The following TRPM2 variants were observed in gnomAD, a reference collection of about 807,000 sequenced individuals.
TRPM2 encodes the protein estrogen-responsive element-associated gene 1 protein.
A neutral mutation model predicts 174.0 loss-of-function variants in TRPM2; 161 were observed. That is an observed-to-expected ratio of 0.93 (90% CI 0.81 to 1.05). The LOEUF (loss-of-function observed/expected upper bound fraction) is 1.05. TRPM2 is among the 50% of genes least tolerant of loss of function. The probability of loss-of-function intolerance (pLI) is 0.00; values close to 1 mark genes in which losing one functional copy is unlikely to be tolerated. For synonymous variants in TRPM2, 954 were observed against 861.3 expected, an observed-to-expected ratio of 1.11 and a Z score of -1.88; for missense variants, 2,057 against 2,038.0, an observed-to-expected ratio of 1.01 and a Z score of -0.18.
intron 19 of TRPM2, among the ~76,000 whole-genome samples, chr21:44,410,623 G>T: frequency 1.3e-5 from 1 of 74,832 alleles, no homozygotes; most frequent in African/African-American, 4.0e-5. Context: ...TGTCTTGGTT[G>T]GCGTAGCCTT....
intron 24 of TRPM2, 55 bp from the exon 25 acceptor site, chr21:44,425,615 G>A (rs896669999): frequency 7.0e-6 from 10 of 1,435,428 alleles, no homozygotes; most frequent in Admixed American, 5.3e-5. Context: ...TGTCCTGCGG[G>A]CGGGCACCTG....
intron 27 of TRPM2, among the ~76,000 whole-genome samples, chr21:44,430,872 G>A (rs2050994398): frequency 6.7e-6 from 1 of 148,922 alleles, no homozygotes; most frequent in East Asian, 2.0e-4. Context: ...TTGTGTCACA[G>A]ATGTCCATAA....
intron 8 of TRPM2, 85 bp downstream of exon 8, chr21:44,379,282 G>C (rs952803081): frequency 6.8e-7 from 1 of 1,468,174 alleles, no homozygotes; most frequent in Admixed American, 1.8e-5. Context: ...CAGGACTCAT[G>C]GACCGATGCG....
intron 15 of TRPM2, 85 bp downstream of exon 15, chr21:44,400,456 C>T (rs1299886325): frequency 8.5e-7 from 1 of 1,181,354 alleles, no homozygotes; most frequent in Non-Finnish European, 1.2e-6. Flanking sequence ...TTCCCTAGAT[C>T]CCCTCGCTGG....
intron 27 of TRPM2, among the ~76,000 whole-genome samples, chr21:44,433,581 G>A (rs537887836): frequency 6.6e-6 from 1 of 152,290 alleles, no homozygotes; most frequent in East Asian, 1.9e-4. Context: ...AGTGACCCTC[G>A]CAGGAACCCT....
At chr21:44,406,892 G>A (rs887158619) in intron 19 of TRPM2, 127 bp downstream of exon 19, 4 of 1,262,422 alleles carry the variant, frequency 3.2e-6, no homozygotes, top group South Asian at 1.4e-5. Flanking sequence ...CACCTGGCCG[G>A]TGTCCTCCCT....
At chr21:44,404,936 T>C (rs1418487252) in intron 16 of TRPM2, among the ~76,000 whole-genome samples, 1 of 129,062 alleles carries the variant, frequency 7.7e-6, no homozygotes, top group Non-Finnish European at 1.8e-5. Context: ...GTGACAGTGA[T>C]AGTGATGATA....
At chr21:44,441,606 A>G in intron 31 of TRPM2, 86 bp from the exon 32 acceptor site, 8 of 1,471,824 alleles carry the variant, frequency 5.4e-6, no homozygotes, top group Non-Finnish European at 6.3e-6. Context: ...TGCAGGCCCC[A>G]AGCCCTCGAA....
At position 44,367,130 on chromosome 21, in the gene TRPM2, C is replaced by T. The variant is rs1014021985; in HGVS notation, c.604+196C>T. ...GACGCCCGATGCTCCCACTGGCTTG[C>T]CTGTGGGCTGGAGATGGCTCAGTGC... On this transcript the variant is annotated intron_variant, in intron 4 of 31. Coordinates refer to ENST00000397928, the MANE Select transcript of TRPM2 (RefSeq NM_003307.4). The surrounding 1 kb of genome is among the most constrained non-coding windows in gnomAD (Gnocchi z 4.6). Among the ~76,000 whole-genome samples the T allele has an allele frequency of 6.6e-6, 1 of 152,122 alleles. No homozygotes were observed. Among genetic ancestry groups the T allele is most frequent in the Non-Finnish European group, 1.5e-5 (1 of 68,014 alleles).
chr21:44,392,725 G>A (rs1241026060), intron 11 of TRPM2, among the ~76,000 whole-genome samples: 1 of 152,146 alleles, frequency 6.6e-6, no homozygotes, highest in Non-Finnish European at 1.5e-5. Flanking sequence ...GGACAGAGTT[G>A]CGTCCATAAC....
At chr21:44,352,192 G>C (rs1212404078), upstream of TRPM2, among the ~76,000 whole-genome samples, 1 of 152,260 alleles carries the variant, frequency 6.6e-6, no homozygotes, top group African/African-American at 2.4e-5. Context: ...GACAGCTCAT[G>C]GCCCTGGAAA....
At chr21:44,359,018 C>T (rs931223741) in intron 2 of TRPM2, among the ~76,000 whole-genome samples, 18 of 152,168 alleles carry the variant, frequency 1.2e-4, no homozygotes, top group South Asian at 4.1e-4. Context: ...TATTTGTCCC[C>T]GCCCGTGTCC....
chr21:44,399,524 A>G lies in TRPM2; in HGVS notation c.2208+83A>G. On this transcript the variant is annotated intron_variant, in intron 14 of 31. Coordinates refer to ENST00000397928, the MANE Select transcript of TRPM2 (RefSeq NM_003307.4). The surrounding 1 kb of genome is among the most constrained non-coding windows in gnomAD (Gnocchi z 4.6). ...ACAGCCTCCTGTTCGTGCAGTTGGCACGCACACTCACACAGGCTTCAGGGC... is the reference window on the plus strand; with the variant it reads ...ACAGCCTCCTGTTCGTGCAGTTGGCGCGCACACTCACACAGGCTTCAGGGC... The G allele has an allele frequency of 2.6e-6, 4 of 1,513,146 alleles. No homozygotes were observed. The highest frequency in any genetic ancestry group is 3.5e-6 in the Non-Finnish European group (4 of 1,129,486). 93.7% of individuals were successfully genotyped at this position (1,513,146 alleles called of 1,614,324 possible). A position where few individuals can be genotyped will look rare whatever the true frequency, so the allele number is the denominator to read the frequency against.
rs1314837399 is a variant in TRPM2, at chr21:44,438,745, G to A, written c.4168-322G>A. On this transcript the variant is annotated intron_variant, in intron 29 of 31. Transcript: ENST00000397928. This position sits in a 1 kb window ranked among gnomAD's most constrained non-coding sequence, Gnocchi z 5.9. The stretch of plus-strand genomic sequence containing the variant: ...TGGGAGGGGCGACGCGGGGGCAGGC[G>A]CCAGGGGAGCGGGAAGGGGGTGCCC... Among the ~76,000 whole-genome samples the A allele has an allele frequency of 2.6e-5, 4 of 152,184 alleles. No individual in the cohort carries two copies. Among genetic ancestry groups the A allele is most frequent in the Non-Finnish European group, 5.9e-5 (4 of 68,018 alleles).
At chr21:44,386,716 ATT>A (rs199604807) in intron 9 of TRPM2, among the ~76,000 whole-genome samples, 8 of 146,426 alleles carry the variant, frequency 5.5e-5, no homozygotes, top group African/African-American at 1.7e-4. Flanking sequence ...AACCCCAGTG[ATT>A]TTTTTTTTTT....
rs1182511689 is a variant in TRPM2, at chr21:44,406,655, C to T, written c.2852C>T (p.Ala951Val). The change falls in exon 19 of 32, where the codon GCC becomes GTC. Residue 951 changes from alanine to valine, a missense_variant. Transcript: ENST00000397928. ...LAVWVVSFGV[A>V]KQAILIHNER... The stretch of plus-strand genomic sequence containing the variant: ...GTGTGGGTGGTGTCCTTCGGGGTGG[C>T]CAAGCAGGCCATCCTCATCCACAAC... 6.2e-7 allele frequency: 1 copy of T among 1,610,508 alleles called. No homozygotes were observed. The highest frequency in any genetic ancestry group is 8.5e-7 in the Non-Finnish European group (1 of 1,179,410).
rs145754956 is a variant in TRPM2 at position 44,395,448 on chromosome 21, G to A, written c.1829G>A (p.Arg610His). The A allele has an allele frequency of 2.4e-4, 380 of 1,612,862 alleles. 3 individuals are homozygous for A. The African/African-American group carries it at 3.8e-3, about 16-fold the overall frequency. The stretch of plus-strand genomic sequence containing the variant: ...GTGAGCCTCCGGTCCCTCTACAAGC[G>A]TTCCTCAGGCCATGTGACCTTCACC... ...QGVSLRSLYK[R>H]SSGHVTFTMD... The change falls in exon 12 of 32, where the codon CGT (arginine) becomes CAT (histidine). Residue 610 changes from arginine (R) to histidine (H), a missense_variant. Physicochemically the swap from Arg to His is conservative, Grantham distance 29 (BLOSUM62 0). Coordinates refer to ENST00000397928, the MANE Select transcript of TRPM2 (RefSeq NM_003307.4).
chr21:44,439,312 C>G lies in TRPM2; in HGVS notation c.4269+144C>G. The G allele has an allele frequency of 2.9e-6, 2 of 696,042 alleles. No homozygotes were observed. Among genetic ancestry groups the G allele is most frequent in the Non-Finnish European group, 2.5e-6 (1 of 405,830 alleles). 43.1% of individuals were successfully genotyped at this position (696,042 alleles called of 1,614,324 possible). ...CACCAGGTGACGGTGGTCCCAGCCC[C>G]TGCCCCCACGTTGCACAGCTCCCAG... On this transcript the variant is annotated intron_variant, in intron 30 of 31. Transcript: ENST00000397928. This position sits in a 1 kb window ranked among gnomAD's most constrained non-coding sequence, Gnocchi z 5.1.
intron 20 of TRPM2, chr21:44,416,246 G>C (rs113475715): frequency 5.1e-4 from 78 of 152,354 alleles, no homozygotes; most frequent in African/African-American, 1.8e-3. Flanking sequence ...GGAACCAACC[G>C]TTTCTCTTCT....
Sources: allele counts gnomAD v4.1 joint callset (sites outside exome capture counted in the v4.1 genomes callset), GRCh38; gene constraint gnomAD v4.1.1; non-coding constraint Gnocchi (gnomAD v3.1); transcripts MANE v1.5; gene names NCBI Gene and HGNC (gene_info 2026-07-23, HGNC 2026-07-21).